ACYP2: variants seen among roughly 807,000 people sequenced by gnomAD.
The protein encoded by ACYP2 is acylphosphatase-2.
In ACYP2, 12 loss-of-function variants were observed where a neutral mutation model predicts 11.2. The ratio of observed to expected loss-of-function variants is 1.08; its 90% CI spans 0.69 to 1.74. The LOEUF is 1.74. Among genes scored for constraint, ACYP2 ranks in the 40% most tolerant of loss-of-function variants. The probability of loss-of-function intolerance (pLI) is 0.00; values close to 1 mark genes in which losing one functional copy is unlikely to be tolerated. For synonymous variants in ACYP2, 43 were observed against 32.2 expected (o/e 1.33, Z -1.13); for missense variants, 134 against 101.9 (o/e 1.31, Z -1.35).
chr2:54,191,773 C>T (rs1459707515), intron 6 of ACYP2, among the ~76,000 whole-genome samples: 1 of 152,142 alleles, frequency 6.6e-6, no homozygotes, highest in Admixed American at 6.6e-5. Flanking sequence ...TGAATACCCT[C>T]CCTCCCCCTC....
chr2:54,051,827 C>G (rs1261410108), intron 3 of ACYP2: 8 of 362,792 alleles, frequency 2.2e-5, no homozygotes, highest in Middle Eastern at 1.8e-3. Flanking sequence ...GGAAAATCAC[C>G]TGAGGTCAGG....
At chr2:54,166,254 C>G (rs1405991176) in intron 6 of ACYP2, among the ~76,000 whole-genome samples, 3 of 152,142 alleles carry the variant, frequency 2.0e-5, no homozygotes, top group Non-Finnish European at 4.4e-5. Flanking sequence ...TACCTGTGTC[C>G]TCTGGGCAAG....
chr2:53,990,329 C>T (rs149651163), intron 2 of ACYP2, among the ~76,000 whole-genome samples: 1 of 152,114 alleles, frequency 6.6e-6, no homozygotes, highest in East Asian at 1.9e-4. Flanking sequence ...CCAGAGTTCA[C>T]TTCTAACAAG....
chr2:54,205,855 GT>G (rs1355400369), intron 6 of ACYP2, among the ~76,000 whole-genome samples: 2 of 152,104 alleles, frequency 1.3e-5, no homozygotes. Flanking sequence ...CACTTTTAAT[GT>G]GATACAAGCT....
chr2:54,232,888 T>A (rs1466767872), intron 6 of ACYP2, among the ~76,000 whole-genome samples: 1 of 152,090 alleles, frequency 6.6e-6, no homozygotes, highest in African/African-American at 2.4e-5. Flanking sequence ...TCCCTTGACA[T>A]ATAGGGATTA....
At chr2:54,192,740 A>T (rs576946695) in intron 6 of ACYP2, among the ~76,000 whole-genome samples, 1 of 152,306 alleles carries the variant, frequency 6.6e-6, no homozygotes, top group South Asian at 2.1e-4. Context: ...AAGAGGTTTT[A>T]TTGACTCACG....
At chr2:54,227,436 C>T (rs527903425) in intron 6 of ACYP2, among the ~76,000 whole-genome samples, 4 of 152,060 alleles carry the variant, frequency 2.6e-5, no homozygotes, top group South Asian at 2.1e-4. Flanking sequence ...GTCAGGAGAT[C>T]GAGACCATCC....
In ACYP2 at chr2:54,287,546, G is replaced by C. The variant is rs757946703; in HGVS notation, c.405-17142G>C. On this transcript the variant is annotated intron_variant, in intron 6 of 6. Transcript: ENST00000607452. ...GACACTGAGTGTCTTCCAAGACTAG[G>C]TTAGAGCAGGCAGTACAGTTTCTGC... Among the ~76,000 whole-genome samples the C allele has an allele frequency of 4.1e-4, 62 of 151,912 alleles. 2 individuals are homozygous for C. Among genetic ancestry groups the C allele is most frequent in the Non-Finnish European group, 1.5e-4 (10 of 68,046 alleles).
At chr2:54,239,809 A>G (rs1686653771) in intron 6 of ACYP2, among the ~76,000 whole-genome samples, 1 of 152,216 alleles carries the variant, frequency 6.6e-6, no homozygotes, top group African/African-American at 2.4e-5. Context: ...GCTCACCAAG[A>G]AGCTAAATAT....
chr2:54,092,434 G>A (rs928499849), intron 4 of ACYP2, among the ~76,000 whole-genome samples: 5 of 152,170 alleles, frequency 3.3e-5, no homozygotes, highest in African/African-American at 1.2e-4. Context: ...AGTGAACAAT[G>A]TAGCCAACCT....
chr2:53,973,488 A>G (rs1039610319), intron 1 of ACYP2, among the ~76,000 whole-genome samples: 2 of 152,064 alleles, frequency 1.3e-5, no homozygotes, highest in African/African-American at 4.8e-5. Context: ...TTTCTGCCCC[A>G]CCCTAACAGA....
At chr2:54,022,003 C>T (rs970919468) in intron 2 of ACYP2, among the ~76,000 whole-genome samples, 1 of 152,144 alleles carries the variant, frequency 6.6e-6, no homozygotes, top group African/African-American at 2.4e-5. Flanking sequence ...CTAGAGAAAT[C>T]CCTATCATCT....
rs1474834246 is a variant in ACYP2, at chr2:54,002,615, G to T, written c.62+28805G>T. ...CTGCCTCGGCCTCCCAAAGTGCTAG[G>T]ATTATAGGCATGAGCTACCATGCCT... On this transcript the variant is annotated intron_variant, in intron 2 of 6. Coordinates refer to ENST00000607452, the MANE Select transcript of ACYP2 (RefSeq NM_001320586.2). Among the ~76,000 whole-genome samples, 3 of 149,104 alleles carry T rather than the reference G, an allele frequency of 2.0e-5. No individual in the cohort carries two copies. In the East Asian group the frequency reaches 5.9e-4, roughly 29 times the overall value.
At chr2:54,124,764 G>A (rs28559613) in intron 4 of ACYP2, among the ~76,000 whole-genome samples, 7,846 of 152,244 alleles carry the variant, frequency 0.052, 627 homozygotes, top group African/African-American at 0.18. Flanking sequence ...GCAGCAGTGT[G>A]ATCACAGCTC....
chr2:54,094,200 GAGA>G (rs1265926820), intron 4 of ACYP2, among the ~76,000 whole-genome samples: 2 of 151,820 alleles, frequency 1.3e-5, no homozygotes, highest in African/African-American at 2.4e-5. Flanking sequence ...TTGGTAGGCA[GAGA>G]AGAAGACATG....
chr2:54,035,265 C>CT (rs895749612), intron 2 of ACYP2, among the ~76,000 whole-genome samples: 5,918 of 126,028 alleles, frequency 0.047, 194 homozygotes, highest in Non-Finnish European at 0.059. Flanking sequence ...TTTTCTTTTT[C>CT]TTTTTTTTTT....
intron 4 of ACYP2, among the ~76,000 whole-genome samples, chr2:54,069,785 T>C (rs1676934796): frequency 6.6e-6 from 1 of 152,222 alleles, no homozygotes; most frequent in Non-Finnish European, 1.5e-5. Context: ...AATATGCTAG[T>C]TGGCCACTAA....
intron 4 of ACYP2, among the ~76,000 whole-genome samples, chr2:54,118,821 A>G (rs1020653133): frequency 6.6e-6 from 1 of 152,230 alleles, no homozygotes; most frequent in Non-Finnish European, 1.5e-5. Flanking sequence ...CATAGTATGT[A>G]GTACAAACTC....
chr2:54,217,839 G>A (rs1414518524), intron 6 of ACYP2, among the ~76,000 whole-genome samples: 1 of 152,168 alleles, frequency 6.6e-6, no homozygotes, highest in Non-Finnish European at 1.5e-5. Context: ...CATGATAACT[G>A]GAGTGAGATG....
Sources: gnomAD v4.1 joint callset for allele counts (sites outside exome capture counted in the v4.1 genomes callset) on GRCh38, gnomAD v4.1.1 for gene constraint, MANE v1.5 for transcripts, NCBI Gene and HGNC (gene_info 2026-07-23, HGNC 2026-07-21) for gene names.